The following CDYL variants were observed in gnomAD, a reference collection of about 807,000 sequenced individuals.
CDYL encodes the protein chromodomain Y like.
CDYL carries 8 observed loss-of-function variants against 47.3 expected under a neutral mutation model. The observed-to-expected ratio is 0.17, with a 90% CI of 0.10 to 0.31. The LOEUF is 0.31. Among genes scored for constraint, CDYL ranks in the 10% least tolerant of loss-of-function variants. The pLI is 1.00. For missense variants in CDYL, 471 were observed against 701.4 expected, an observed-to-expected ratio of 0.67 and a Z score of 3.71; for synonymous variants, 266 against 265.0, an observed-to-expected ratio of 1.00 and a Z score of -0.04.
intron 2 of CDYL, among the ~76,000 whole-genome samples, chr6:4,717,518 G>A (rs1365069193): frequency 6.6e-6 from 1 of 151,364 alleles, no homozygotes; most frequent in Non-Finnish European, 1.5e-5. Flanking sequence ...CCAACAATGT[G>A]AGGCTCCATC....
intron 3 of CDYL, among the ~76,000 whole-genome samples, chr6:4,754,314 A>G (rs1758042597): frequency 6.6e-6 from 1 of 152,224 alleles, no homozygotes; most frequent in African/African-American, 2.4e-5. Flanking sequence ...ATGAATGCAA[A>G]CCAATCACAT....
chr6:4,796,971 T>C (rs974714194), intron 1 of CDYL, among the ~76,000 whole-genome samples: 11 of 152,210 alleles, frequency 7.2e-5, no homozygotes, highest in Non-Finnish European at 1.2e-4. Context: ...CTATACAGAT[T>C]CTGTGTCTGA....
At position 4,776,709 on chromosome 6, in the gene CDYL, A is replaced by T; in HGVS notation, c.-75A>T. The T allele has an allele frequency of 8.0e-7, 1 of 1,257,684 alleles. No homozygotes were observed. The highest frequency in any genetic ancestry group is 2.9e-5 in the Admixed American group (1 of 34,470). The allele number at this position is 1,257,684 out of a possible 1,614,324, so 77.9% of individuals were successfully genotyped here. On this transcript the variant is annotated 5_prime_UTR_variant, in exon 1 of 7. Coordinates refer to ENST00000397588, the MANE Select transcript of CDYL (RefSeq NM_004824.4). ...GCGCAGGCCACGCAGGACCCAACTG[A>T]AACAAAGTGTCGGCCGCCCGGCGCC... is the stretch of plus-strand genomic sequence containing the variant.
intron 1 of CDYL, among the ~76,000 whole-genome samples, chr6:4,807,127 T>G (rs1759393013): frequency 6.6e-6 from 1 of 152,216 alleles, no homozygotes; most frequent in Admixed American, 6.5e-5. Context: ...CTAGATCTCA[T>G]GTTAACTCAG....
intron 3 of CDYL, among the ~76,000 whole-genome samples, chr6:4,765,973 A>G (rs956847090): frequency 2.8e-4 from 43 of 152,252 alleles, no homozygotes; most frequent in Middle Eastern, 3.4e-3. Flanking sequence ...AGAACCAAAA[A>G]AGCTCAAAAT....
Position 4,776,820 on chromosome 6 carries a change from C to T in CDYL, c.24+13C>T, listed in dbSNP as rs1327057461. ...GGAGCTGTACGAGGTACCTCCCCTCCCCCCGGCCTCGGGCCGCCCCCCGCC... is the reference window on the plus strand; with the variant it reads ...GGAGCTGTACGAGGTACCTCCCCTCTCCCCGGCCTCGGGCCGCCCCCCGCC... On this transcript the variant is annotated intron_variant, in intron 1 of 6. Coordinates refer to ENST00000397588, the MANE Select transcript of CDYL (RefSeq NM_004824.4). The T allele has an allele frequency of 2.9e-6, 3 of 1,028,322 alleles. No individual in the cohort carries two copies. The highest frequency in any genetic ancestry group is 4.4e-5 in the Admixed American group (1 of 22,830). The allele number at this position is 1,028,322 out of a possible 1,614,324, so 63.7% of individuals were successfully genotyped here. A position where few individuals can be genotyped will look rare whatever the true frequency, so the allele number is the denominator to read the frequency against.
At position 4,900,796 on chromosome 6, in the gene CDYL, T is replaced by G. The variant is rs1291009344; in HGVS notation, c.691+8417T>G. 8.9e-4 allele frequency among the ~76,000 whole-genome samples: 64 copies of G among 71,612 alleles called. 1 individual carries two copies. Among genetic ancestry groups the G allele is most frequent in the African/African-American group, 4.4e-3 (63 of 14,440 alleles). 47.0% of individuals were successfully genotyped at this position (71,612 alleles called of 152,430 possible). On this transcript the variant is annotated intron_variant, in intron 2 of 6. Transcript: ENST00000397588. ...ATACGTGTGTATATATATATATATA[T>G]ATATATATATATATATATATATATA...
rs148292218 is a variant in CDYL at position 4,736,630 on chromosome 6, G to A, written c.186+1786G>A. Among the ~76,000 whole-genome samples the A allele has an allele frequency of 9.2e-4, 140 of 152,128 alleles. No homozygotes were observed. The East Asian group carries it at 0.025, about 27-fold the overall frequency. On this transcript the variant is annotated intron_variant, in intron 3 of 8. Coordinates refer to the CDYL transcript ENST00000328908. ...ATCACCTGGCAACTTCCCTAGGAGT[G>A]GAGAGACATGAAAGCCAATGCTACT...
In CDYL at chr6:4,955,363, C is replaced by G. The variant is rs567514168; in HGVS notation, c.*1307C>G. The G allele has an allele frequency of 2.6e-5, 4 of 152,752 alleles. No homozygotes were observed. Among genetic ancestry groups the G allele is most frequent in the African/African-American group, 9.6e-5 (4 of 41,578 alleles). 9.5% of individuals were successfully genotyped at this position (152,752 alleles called of 1,614,324 possible). A position where few individuals can be genotyped will look rare whatever the true frequency, so the allele number is the denominator to read the frequency against. ...ACCACCTCCCCGGCCACGCGGAGAGCTGTACAGTGTGTAAATCTGCCTTTA... is the reference window on the plus strand; with the variant it reads ...ACCACCTCCCCGGCCACGCGGAGAGGTGTACAGTGTGTAAATCTGCCTTTA... On this transcript the variant is annotated 3_prime_UTR_variant, in exon 7 of 7. Transcript: ENST00000397588.
At chr6:4,865,354 C>T (rs1761291310) in intron 1 of CDYL, among the ~76,000 whole-genome samples, 1 of 152,224 alleles carries the variant, frequency 6.6e-6, no homozygotes, top group Non-Finnish European at 1.5e-5. Context: ...GCGGTCCAAC[C>T]CTAGCCAATA....
At chr6:4,910,919 C>T (rs1468432206) in intron 2 of CDYL, among the ~76,000 whole-genome samples, 2 of 152,026 alleles carry the variant, frequency 1.3e-5, no homozygotes, top group Non-Finnish European at 2.9e-5. Flanking sequence ...CTGCAAGCTC[C>T]ACCTCCCAGG....
At chr6:4,775,782 G>A (rs1169328187), upstream of CDYL, among the ~76,000 whole-genome samples, 2 of 149,256 alleles carry the variant, frequency 1.3e-5, no homozygotes, top group East Asian at 3.9e-4. The surrounding 1 kb of genome is among the most constrained non-coding windows in gnomAD (Gnocchi z 7.0). Flanking sequence ...CGGGCATGGG[G>A]TGGGGTGGGT....
chr6:4,742,826 A>G (rs2127417477), intron 3 of CDYL, among the ~76,000 whole-genome samples: 1 of 152,238 alleles, frequency 6.6e-6, no homozygotes, highest in South Asian at 2.1e-4. Flanking sequence ...GGCATTGGAG[A>G]TAGGATCATC....
Position 4,856,647 on chromosome 6 carries a change from T to C in CDYL, c.25-35066T>C, listed in dbSNP as rs138904424. On this transcript the variant is annotated intron_variant, in intron 1 of 6. Transcript: ENST00000397588. ...GGAAGAGCGAGAAATGCATGAATTC[T>C]GGAAAGACTGAACCTGGGTGGGAAA... 1.7e-3 allele frequency among the ~76,000 whole-genome samples: 259 copies of C among 152,248 alleles called. 3 individuals are homozygous for C. The highest frequency in any genetic ancestry group is 4.0e-3 in the Admixed American group (61 of 15,292).
At chr6:4,742,298 G>T (rs574884021) in intron 3 of CDYL, among the ~76,000 whole-genome samples, 2 of 151,318 alleles carry the variant, frequency 1.3e-5, no homozygotes, top group Non-Finnish European at 2.9e-5. Context: ...AAGCCCAGGA[G>T]GCAGAGGTTG....
intron 4 of CDYL, among the ~76,000 whole-genome samples, chr6:4,942,887 G>T (rs1341939895): frequency 6.6e-6 from 1 of 152,204 alleles, no homozygotes; most frequent in Admixed American, 6.5e-5. Context: ...ACAGGCCTGA[G>T]CCCTGTGCTG....
At chr6:4,759,408 A>G (rs1308469605) in intron 3 of CDYL, among the ~76,000 whole-genome samples, 1 of 152,216 alleles carries the variant, frequency 6.6e-6, no homozygotes, top group South Asian at 2.1e-4. Flanking sequence ...CATCTTATTT[A>G]AAATCATATA....
intron 2 of CDYL, among the ~76,000 whole-genome samples, chr6:4,893,835 A>T (rs1294092115): frequency 6.6e-6 from 1 of 152,250 alleles, no homozygotes; most frequent in African/African-American, 2.4e-5. Context: ...AGTGTTCACT[A>T]AGACATTCTA....
At chr6:4,732,601 G>A (rs147799038) in intron 2 of CDYL, among the ~76,000 whole-genome samples, 1 of 141,490 alleles carries the variant, frequency 7.1e-6, no homozygotes. Flanking sequence ...GGTTGAGGCA[G>A]CAAATGAGCT....
Sources: gnomAD v4.1 joint callset for allele counts (sites outside exome capture counted in the v4.1 genomes callset) on GRCh38, gnomAD v4.1.1 for gene constraint, Gnocchi (gnomAD v3.1) non-coding constraint, MANE v1.5 for transcripts, NCBI Gene and HGNC (gene_info 2026-07-23, HGNC 2026-07-21) for gene names.